The following RPTOR variants were observed in gnomAD, a reference collection of about 807,000 sequenced individuals.
RPTOR encodes regulatory-associated protein of mTOR.
In RPTOR, 21 loss-of-function variants were observed where a neutral mutation model predicts 169.9. That is an observed-to-expected ratio of 0.12 (90% CI 0.09 to 0.18). The LOEUF (loss-of-function observed/expected upper bound fraction) is 0.18. Among genes scored for constraint, RPTOR ranks in the 10% least tolerant of loss-of-function variants. RPTOR has a pLI of 1.00. For missense variants in RPTOR, 1,133 were observed against 1,855.9 expected, an observed-to-expected ratio of 0.61 and a Z score of 7.16; for synonymous variants, 732 against 753.2, an observed-to-expected ratio of 0.97 and a Z score of 0.46.
rs145275676 is a variant in RPTOR at position 80,627,965 on chromosome 17, A to C, written c.265+2172A>C. Among the ~76,000 whole-genome samples, 524 of 151,460 alleles carry C rather than the reference A, an allele frequency of 3.5e-3. 1 individual carries two copies. The highest frequency in any genetic ancestry group is 0.012 in the African/African-American group (508 of 41,168). On this transcript the variant is annotated intron_variant, in intron 2 of 33. Coordinates refer to ENST00000306801, the MANE Select transcript of RPTOR (RefSeq NM_020761.3). ...GCGATTCTCCTGCCTCAGCCTCCCG[A>C]GTAGCTGGGATTACAAGCATGCGCC... is the stretch of plus-strand genomic sequence containing the variant.
chr17:80,934,580 A>G (rs1177271650), intron 24 of RPTOR, among the ~76,000 whole-genome samples: 4 of 152,198 alleles, frequency 2.6e-5, no homozygotes, highest in African/African-American at 9.7e-5. Context: ...ACTGGTCTCA[A>G]ACTTCTGGGC....
chr17:80,884,009 G>T, intron 16 of RPTOR, 37 bp downstream of exon 16: 2 of 1,585,670 alleles, frequency 1.3e-6, no homozygotes. Flanking sequence ...AGTCCTCCTG[G>T]CTGCCGACTG....
Position 80,754,235 on chromosome 17 carries a change from G to A in RPTOR, c.830+50G>A, listed in dbSNP as rs564364245. The A allele has an allele frequency of 7.9e-6, 12 of 1,520,422 alleles. No homozygotes were observed. Among genetic ancestry groups the A allele is most frequent in the East Asian group, 4.6e-5 (2 of 43,446 alleles). 94.2% of individuals were successfully genotyped at this position (1,520,422 alleles called of 1,614,324 possible). A position where few individuals can be genotyped will look rare whatever the true frequency, so the allele number is the denominator to read the frequency against. On this transcript the variant is annotated intron_variant, in intron 6 of 33. Transcript: ENST00000306801. This position sits in a 1 kb window ranked among gnomAD's most constrained non-coding sequence, Gnocchi z 4.2. ...GGGACCCACTCAACTGGGCTCTCCCGCAGGGACCCCAACCCATGTGGGCCC... is the reference window on the plus strand; with the variant it reads ...GGGACCCACTCAACTGGGCTCTCCCACAGGGACCCCAACCCATGTGGGCCC...
At chr17:80,630,446 G>C (rs546001484) in intron 2 of RPTOR, among the ~76,000 whole-genome samples, 1 of 152,324 alleles carries the variant, frequency 6.6e-6, no homozygotes, top group African/African-American at 2.4e-5. Flanking sequence ...CAGTAGATGT[G>C]TGCCTGCATG....
Position 80,730,420 on chromosome 17 carries a change from A to G in RPTOR, c.508-140A>G, listed in dbSNP as rs1239291216. Reference sequence around the variant, plus strand: ...GCGCCTGGCCAGTTTGCTGTTTTTTATAGTTTTGTATAAAGGCTAACTCAG... The same window carrying G: ...GCGCCTGGCCAGTTTGCTGTTTTTTGTAGTTTTGTATAAAGGCTAACTCAG... On this transcript the variant is annotated intron_variant, in intron 4 of 33. Coordinates refer to ENST00000306801, the MANE Select transcript of RPTOR (RefSeq NM_020761.3). This position sits in a 1 kb window ranked among gnomAD's most constrained non-coding sequence, Gnocchi z 4.2. The G allele has an allele frequency of 3.4e-6, 3 of 884,996 alleles. No individual in the cohort carries two copies. Among genetic ancestry groups the G allele is most frequent in the East Asian group, 2.6e-5 (1 of 37,976 alleles). 54.8% of individuals were successfully genotyped at this position (884,996 alleles called of 1,614,324 possible).
intron 27 of RPTOR, among the ~76,000 whole-genome samples, chr17:80,948,816 C>T (rs1318924067): frequency 1.3e-5 from 2 of 152,200 alleles, no homozygotes; most frequent in African/African-American, 4.8e-5. Context: ...CCAGGCCGAC[C>T]TCCCTGCCTG....
chr17:80,648,214 C>CT (rs1186577722), intron 3 of RPTOR, among the ~76,000 whole-genome samples: 1 of 151,974 alleles, frequency 6.6e-6, no homozygotes, highest in East Asian at 1.9e-4. Flanking sequence ...TTGAATGAAC[C>CT]GAAGCTGATG....
intron 6 of RPTOR, among the ~76,000 whole-genome samples, chr17:80,787,402 G>A (rs2067004313): frequency 1.3e-5 from 2 of 152,224 alleles, no homozygotes; most frequent in African/African-American, 4.8e-5. Flanking sequence ...AGCTTTTTCA[G>A]CTTCTTCCTT....
intron 5 of RPTOR, among the ~76,000 whole-genome samples, chr17:80,742,690 GAC>G (rs10558919): frequency 0.55 from 83,689 of 151,196 alleles, 23,334 homozygotes; most frequent in African/African-American, 0.59. Flanking sequence ...TATACACAGA[GAC>G]ACACATAGAC....
chr17:80,857,255 T>C (rs2067862822), intron 12 of RPTOR, among the ~76,000 whole-genome samples: 1 of 152,176 alleles, frequency 6.6e-6, no homozygotes, highest in Admixed American at 6.5e-5. Flanking sequence ...CAACCCCCGC[T>C]CCTCCCTGCC....
At chr17:80,709,232 G>A in intron 4 of RPTOR, 1 of 359,122 alleles carries the variant, frequency 2.8e-6, no homozygotes, top group Non-Finnish European at 3.9e-6. Flanking sequence ...CAAAACGATC[G>A]TTGTGAAGGA....
intron 6 of RPTOR, among the ~76,000 whole-genome samples, chr17:80,780,613 G>A (rs1428390926): frequency 6.6e-6 from 1 of 152,120 alleles, no homozygotes; most frequent in African/African-American, 2.4e-5. Context: ...CCTGTGATAC[G>A]TATACTTTTC....
chr17:80,900,030 G>A (rs2068455350), intron 20 of RPTOR, among the ~76,000 whole-genome samples: 2 of 152,148 alleles, frequency 1.3e-5, no homozygotes, highest in Non-Finnish European at 2.9e-5. Flanking sequence ...CAAACCCAAT[G>A]CCACCTGTGT....
intron 6 of RPTOR, among the ~76,000 whole-genome samples, chr17:80,760,591 C>G (rs60064073): frequency 1.3e-5 from 2 of 151,974 alleles, no homozygotes; most frequent in African/African-American, 4.8e-5. Context: ...CACGAGCCAC[C>G]GCACCCAGCC....
chr17:80,869,698 G>A (rs533438570), intron 13 of RPTOR, among the ~76,000 whole-genome samples: 16 of 152,272 alleles, frequency 1.1e-4, no homozygotes, highest in South Asian at 8.3e-4. Flanking sequence ...TCGCTGTCAC[G>A]TGTCTGGAGT....
intron 1 of RPTOR, among the ~76,000 whole-genome samples, chr17:80,567,255 G>A (rs9747723): frequency 6.6e-6 from 1 of 151,980 alleles, no homozygotes; most frequent in Admixed American, 6.5e-5. Context: ...ACAGGTGTGA[G>A]CCACCATGCC....
intron 14 of RPTOR, 22 bp downstream of exon 14, chr17:80,880,511 C>T (rs749730816): frequency 1.9e-6 from 3 of 1,611,390 alleles, no homozygotes; most frequent in Non-Finnish European, 8.5e-7. Flanking sequence ...GCAGCACGCT[C>T]TCCACGGGCT....
At chr17:80,760,968 G>T (rs1457284916) in intron 6 of RPTOR, among the ~76,000 whole-genome samples, 1 of 152,158 alleles carries the variant, frequency 6.6e-6, no homozygotes, top group Non-Finnish European at 1.5e-5. Flanking sequence ...TGATGAACTT[G>T]TTGGAAGACA....
At chr17:80,618,538 C>T (rs2065330652) in intron 1 of RPTOR, among the ~76,000 whole-genome samples, 1 of 152,156 alleles carries the variant, frequency 6.6e-6, no homozygotes, top group African/African-American at 2.4e-5. Context: ...GCGAAGGTCG[C>T]CGTGGGCGAG....
Sources: allele counts gnomAD v4.1 joint callset (sites outside exome capture counted in the v4.1 genomes callset), GRCh38; gene constraint gnomAD v4.1.1; non-coding constraint Gnocchi (gnomAD v3.1); transcripts MANE v1.5; gene names NCBI Gene and HGNC (gene_info 2026-07-23, HGNC 2026-07-21).